The following PLCE1 variants were observed in gnomAD, a reference collection of about 807,000 sequenced individuals.
PLCE1 encodes the protein phospholipase C epsilon 1.
Under a neutral mutation model 242.8 loss-of-function variants are expected in PLCE1, and 119 were observed. The ratio of observed to expected loss-of-function variants is 0.49; its 90% CI spans 0.42 to 0.57. The LOEUF (loss-of-function observed/expected upper bound fraction) is 0.57, where lower values mean the gene tolerates loss of function less well. PLCE1 is among the 20% of genes least tolerant of loss of function. The pLI is 0.00. For synonymous variants in PLCE1, 945 were observed against 1,017.4 expected, an observed-to-expected ratio of 0.93 and a Z score of 1.35; for missense variants, 2,441 against 2,788.8, an observed-to-expected ratio of 0.88 and a Z score of 2.81.
intron 2 of PLCE1, chr10:94,120,647 A>G (rs1054735991): frequency 2.6e-5 from 4 of 152,302 alleles, no homozygotes; most frequent in East Asian, 1.9e-4. Context: ...TTAGAGGAGG[A>G]TCTCTGCTTG....
intron 4 of PLCE1, among the ~76,000 whole-genome samples, chr10:94,215,390 A>C (rs1337613208): frequency 6.6e-6 from 1 of 152,202 alleles, no homozygotes; most frequent in Non-Finnish European, 1.5e-5. Flanking sequence ...CAATGCCTGC[A>C]TCCAAGGAGC....
chr10:94,093,818 G>A (rs1172731457), intron 2 of PLCE1, among the ~76,000 whole-genome samples: 1 of 152,044 alleles, frequency 6.6e-6, no homozygotes, highest in Non-Finnish European at 1.5e-5. Context: ...GGGAAGACAG[G>A]ATTTGTGCTG....
chr10:94,297,771 C>T (rs981368467), intron 23 of PLCE1, among the ~76,000 whole-genome samples: 1 of 152,024 alleles, frequency 6.6e-6, no homozygotes, highest in African/African-American at 2.4e-5. Flanking sequence ...CTCTTTAATG[C>T]TTGTGTGGTG....
intron 1 of PLCE1, among the ~76,000 whole-genome samples, chr10:94,025,953 C>T (rs536510768): frequency 6.6e-6 from 1 of 152,292 alleles, no homozygotes; most frequent in South Asian, 2.1e-4. Flanking sequence ...TTTGTTACCA[C>T]TTTTCAGCTC....
chr10:94,015,163 C>T (rs549584864), intron 1 of PLCE1, among the ~76,000 whole-genome samples: 1 of 152,308 alleles, frequency 6.6e-6, no homozygotes, highest in South Asian at 2.1e-4. Context: ...ACACGAGGTG[C>T]TCAGCACAGG....
At chr10:94,026,265 T>C (rs1450689500) in intron 1 of PLCE1, among the ~76,000 whole-genome samples, 1 of 152,146 alleles carries the variant, frequency 6.6e-6, no homozygotes, top group African/African-American at 2.4e-5. Context: ...TCTCCATAGA[T>C]CGACTTCCTG....
rs1025796232 is a variant in PLCE1 at position 94,329,281 on chromosome 10, A to G, written c.*1338A>G. ...TCATATTCTTAGTATGAAGCAAATTATGAATTTTAAAAATGAAATATGTAT... is the reference window on the plus strand; with the variant it reads ...TCATATTCTTAGTATGAAGCAAATTGTGAATTTTAAAAATGAAATATGTAT... On this transcript the variant is annotated 3_prime_UTR_variant, in exon 33 of 33. Transcript: ENST00000371380. 6.6e-6 allele frequency: 1 copy of G among 152,216 alleles called. No homozygotes were observed. Among genetic ancestry groups the G allele is most frequent in the African/African-American group, 2.4e-5 (1 of 41,460 alleles). 9.4% of individuals were successfully genotyped at this position (152,216 alleles called of 1,614,324 possible).
chr10:94,103,477 G>A (rs892147729), intron 2 of PLCE1, among the ~76,000 whole-genome samples: 5 of 152,092 alleles, frequency 3.3e-5, no homozygotes, highest in East Asian at 1.9e-4. Context: ...AAAAAAGCAC[G>A]CAAAAGACCA....
chr10:94,321,560 G>A (rs2053801532), intron 29 of PLCE1, among the ~76,000 whole-genome samples: 1 of 151,722 alleles, frequency 6.6e-6, no homozygotes. Context: ...CCCAGGAGGT[G>A]GAGGCTGCAG....
intron 17 of PLCE1, 58 bp downstream of exon 17, chr10:94,269,094 CTTTT>C (rs71031565): frequency 2.3e-3 from 715 of 305,508 alleles, no homozygotes; most frequent in East Asian, 4.2e-3. Context: ...CTTCATTTGT[CTTTT>C]TTTTTTTTTT....
At position 94,163,199 on chromosome 10, in the gene PLCE1, C is replaced by G. The variant is rs187320786; in HGVS notation, c.1493-7981C>G. 1.6e-3 allele frequency among the ~76,000 whole-genome samples: 250 copies of G among 152,254 alleles called. 1 individual carries two copies. The highest frequency in any genetic ancestry group is 4.4e-3 in the African/African-American group (184 of 41,536). ...GCTTCGTGCAGAGCTGAGTTCAGTT[C>G]CTGGATATCCTTGTTAACCTTCTGT... is the stretch of plus-strand genomic sequence containing the variant. On this transcript the variant is annotated intron_variant, in intron 3 of 32. Coordinates refer to ENST00000371380, the MANE Select transcript of PLCE1 (RefSeq NM_016341.4).
At chr10:94,216,434 A>G (rs561776233) in intron 4 of PLCE1, among the ~76,000 whole-genome samples, 2 of 152,290 alleles carry the variant, frequency 1.3e-5, no homozygotes, top group Non-Finnish European at 2.9e-5. Flanking sequence ...TAGAGGGTAG[A>G]CACTCAGGAA....
intron 21 of PLCE1, among the ~76,000 whole-genome samples, chr10:94,284,169 G>A (rs887582809): frequency 6.6e-6 from 1 of 152,224 alleles, no homozygotes; most frequent in Non-Finnish European, 1.5e-5. Context: ...GTGGTTTAGT[G>A]ATGAAGGCAG....
At chr10:94,199,269 G>A (rs748347070) in intron 4 of PLCE1, among the ~76,000 whole-genome samples, 4 of 152,110 alleles carry the variant, frequency 2.6e-5, no homozygotes, top group Non-Finnish European at 5.9e-5. Context: ...ATTATTTTAC[G>A]AAGCGTTATG....
At chr10:94,071,399 C>T (rs2044347795) in intron 2 of PLCE1, among the ~76,000 whole-genome samples, 1 of 151,906 alleles carries the variant, frequency 6.6e-6, no homozygotes, top group African/African-American at 2.4e-5. Context: ...GAAATATATG[C>T]ACACATCTTA....
intron 26 of PLCE1, among the ~76,000 whole-genome samples, chr10:94,307,098 G>A (rs1284296238): frequency 6.6e-6 from 1 of 152,186 alleles, no homozygotes; most frequent in Non-Finnish European, 1.5e-5. Flanking sequence ...TTTGGAAGCT[G>A]GGGCTGGGTT....
At chr10:94,123,546 A>G (rs1216986922) in intron 2 of PLCE1, among the ~76,000 whole-genome samples, 1 of 152,136 alleles carries the variant, frequency 6.6e-6, no homozygotes, top group Non-Finnish European at 1.5e-5. Flanking sequence ...TGCTACCAAA[A>G]TTCTCCTCCC....
rs2054151788 is a variant in PLCE1, at chr10:94,331,127, AC to A, written c.*3185del. ...CATCATTAGCAAGTAAAAGTTATTTACAAATTCTCCAGTTGGGAGTCAATAT... is the reference window on the plus strand; with the variant it reads ...CATCATTAGCAAGTAAAAGTTATTTAAAATTCTCCAGTTGGGAGTCAATAT... On this transcript the variant is annotated 3_prime_UTR_variant, in exon 33 of 33. Coordinates refer to ENST00000371380, the MANE Select transcript of PLCE1 (RefSeq NM_016341.4). 1 of 152,244 alleles carries A rather than the reference AC, an allele frequency of 6.6e-6. No homozygotes were observed. 9.4% of individuals were successfully genotyped at this position (152,244 alleles called of 1,614,324 possible). A position where few individuals can be genotyped will look rare whatever the true frequency, so the allele number is the denominator to read the frequency against.
intron 19 of PLCE1, among the ~76,000 whole-genome samples, chr10:94,278,552 G>A (rs781343003): frequency 6.6e-6 from 1 of 152,070 alleles, no homozygotes; most frequent in Non-Finnish European, 1.5e-5. Flanking sequence ...GCACAAATTT[G>A]TTCCTATAAC....
Sources: allele counts gnomAD v4.1 joint callset (sites outside exome capture counted in the v4.1 genomes callset), GRCh38; gene constraint gnomAD v4.1.1; transcripts MANE v1.5; gene names NCBI Gene and HGNC (gene_info 2026-07-23, HGNC 2026-07-21).